ASAP2: variants seen among roughly 807,000 people sequenced by gnomAD.
The protein encoded by ASAP2 is ArfGAP with SH3 domain, ankyrin repeat and PH domain 2, also known as arf-GAP with SH3 domain, ANK repeat and PH domain-containing protein 2.
Under a neutral mutation model 131.4 loss-of-function variants are expected in ASAP2, and 45 were observed. That is an observed-to-expected ratio of 0.34 (90% CI 0.27 to 0.44). The LOEUF (loss-of-function observed/expected upper bound fraction) is 0.44, where lower values mean the gene tolerates loss of function less well. Ranked by LOEUF, ASAP2 falls within the 20% of genes least tolerant of loss-of-function variation. The pLI is 1.00. For synonymous variants in ASAP2, 510 were observed against 503.0 expected, an observed-to-expected ratio of 1.01 and a Z score of -0.19; for missense variants, 1,011 against 1,297.0, an observed-to-expected ratio of 0.78 and a Z score of 3.39.
chr2:9,403,335 C>T lies in ASAP2; in HGVS notation c.*8C>T, dbSNP rs771421051. 5.6e-6 allele frequency: 9 copies of T among 1,613,350 alleles called. No individual in the cohort carries two copies. Among genetic ancestry groups the T allele is most frequent in the Admixed American group, 1.7e-5 (1 of 59,980 alleles). On this transcript the variant is annotated 3_prime_UTR_variant, in exon 28 of 28. Transcript: ENST00000281419. ...CACTTTATCGCTGACTGAATTGCTA[C>T]TGAACAAAAGCATTAACAGTTATGT...
At chr2:9,291,700 T>A (rs1337886244) in intron 2 of ASAP2, among the ~76,000 whole-genome samples, 1 of 152,126 alleles carries the variant, frequency 6.6e-6, no homozygotes, top group Non-Finnish European at 1.5e-5. Flanking sequence ...CAAGTGCTTT[T>A]CCCTCTGCCT....
chr2:9,229,680 G>C (rs956387725), intron 1 of ASAP2, among the ~76,000 whole-genome samples: 1 of 152,230 alleles, frequency 6.6e-6, no homozygotes, highest in Admixed American at 6.5e-5. Flanking sequence ...TGGGCACACA[G>C]AGCACTGGAG....
intron 25 of ASAP2, among the ~76,000 whole-genome samples, chr2:9,400,346 C>G (rs1676553730): frequency 1.4e-5 from 1 of 72,968 alleles, no homozygotes; most frequent in Non-Finnish European, 2.7e-5. Flanking sequence ...CTCCCCCTCC[C>G]TCCCCCATCT....
At chr2:9,388,652 T>G (rs923533211) in intron 22 of ASAP2, 106 bp downstream of exon 22, 56 of 1,447,520 alleles carry the variant, frequency 3.9e-5, no homozygotes, top group Non-Finnish European at 4.5e-5. Flanking sequence ...TGGGCTCTTT[T>G]GTTTTGTAGT....
chr2:9,265,985 G>A (rs944081949), intron 1 of ASAP2, among the ~76,000 whole-genome samples: 1 of 151,782 alleles, frequency 6.6e-6, no homozygotes, highest in Non-Finnish European at 1.5e-5. Flanking sequence ...TGTTAGCCAG[G>A]CTGGTCTTGA....
intron 24 of ASAP2, among the ~76,000 whole-genome samples, chr2:9,396,237 G>A (rs1395410526): frequency 1.3e-5 from 2 of 152,116 alleles, no homozygotes; most frequent in African/African-American, 4.8e-5. Context: ...GAGCATTTCA[G>A]GGCCTTCCTC....
chr2:9,273,439 T>G (rs542554868), intron 1 of ASAP2, among the ~76,000 whole-genome samples: 1 of 152,362 alleles, frequency 6.6e-6, no homozygotes, highest in South Asian at 2.1e-4. Flanking sequence ...AACCACCCAA[T>G]GGGTTCACCT....
At chr2:9,247,458 C>T (rs769137651) in intron 1 of ASAP2, among the ~76,000 whole-genome samples, 10 of 152,188 alleles carry the variant, frequency 6.6e-5, no homozygotes, top group South Asian at 4.1e-4. Context: ...TTACCTCATG[C>T]GCTGCTTTCG....
At chr2:9,235,752 T>C (rs564989817) in intron 1 of ASAP2, among the ~76,000 whole-genome samples, 33 of 152,062 alleles carry the variant, frequency 2.2e-4, no homozygotes, top group African/African-American at 8.0e-4. Context: ...GATGGGAACA[T>C]GTAAGAAGTG....
chr2:9,246,084 T>C (rs1389848640), intron 1 of ASAP2, among the ~76,000 whole-genome samples: 1 of 152,154 alleles, frequency 6.6e-6, no homozygotes, highest in African/African-American at 2.4e-5. Flanking sequence ...GAGCCCTGGT[T>C]TGGGAGTGTT....
chr2:9,299,254 G>T, intron 3 of ASAP2, among the ~76,000 whole-genome samples: 1 of 152,112 alleles, frequency 6.6e-6, no homozygotes, highest in Non-Finnish European at 1.5e-5. Context: ...ACTTGCAAAA[G>T]ATCTTAAAAG....
intron 1 of ASAP2, among the ~76,000 whole-genome samples, chr2:9,215,949 A>G (rs1483973998): frequency 6.6e-6 from 1 of 152,134 alleles, no homozygotes; most frequent in Non-Finnish European, 1.5e-5. Context: ...AGGTCAGTTC[A>G]TATACTTGTG....
intron 2 of ASAP2, among the ~76,000 whole-genome samples, chr2:9,295,130 CTG>C (rs1247642783): frequency 2.0e-5 from 3 of 152,154 alleles, no homozygotes; most frequent in Non-Finnish European, 2.9e-5. Flanking sequence ...ATCTGTGAAA[CTG>C]GATTTTAAAA....
intron 11 of ASAP2, chr2:9,350,501 A>G (rs1672258382): frequency 7.8e-6 from 2 of 257,994 alleles, no homozygotes; most frequent in Admixed American, 5.2e-5. Flanking sequence ...TAGCCATGCA[A>G]TATCTTGATC....
intron 3 of ASAP2, among the ~76,000 whole-genome samples, chr2:9,303,443 G>A (rs918958340): frequency 6.6e-6 from 1 of 152,234 alleles, no homozygotes; most frequent in African/African-American, 2.4e-5. Context: ...GACTTGGCTT[G>A]TTAGACTTGG....
At chr2:9,376,267 A>G (rs1674388799) in intron 17 of ASAP2, among the ~76,000 whole-genome samples, 1 of 152,174 alleles carries the variant, frequency 6.6e-6, no homozygotes, top group South Asian at 2.1e-4. Context: ...CGGCCTGGGA[A>G]GCACCTTCCT....
Position 9,400,749 on chromosome 2 carries a change from C to T in ASAP2, c.2742C>T (p.Leu914=), listed in dbSNP as rs1676590868. The T allele has an allele frequency of 1.2e-6, 2 of 1,613,526 alleles. No homozygotes were observed. The highest frequency in any genetic ancestry group is 2.7e-5 in the African/African-American group (2 of 74,910). Reference sequence around the variant, plus strand: ...TTCATTTTTGCCCTACAGTGGATCTCTCTGCAACGGAAGCTCTGGGTCCTC... The same window carrying T: ...TTCATTTTTGCCCTACAGTGGATCTTTCTGCAACGGAAGCTCTGGGTCCTC... The part of the protein sequence containing the change: ...NKGQPRGPVD[L]SATEALGPLS... The change falls in exon 26 of 28, where the codon CTC becomes CTT. Residue 914 remains leucine, a synonymous_variant. Transcript: ENST00000281419.
chr2:9,328,197 G>A (rs963878660), intron 7 of ASAP2, among the ~76,000 whole-genome samples: 2 of 152,140 alleles, frequency 1.3e-5, no homozygotes, highest in African/African-American at 4.8e-5. Context: ...CTTGGAGGAA[G>A]AAGGAAATGG....
intron 1 of ASAP2, among the ~76,000 whole-genome samples, chr2:9,242,031 C>T (rs540858778): frequency 7.2e-5 from 11 of 152,172 alleles, no homozygotes; most frequent in Non-Finnish European, 1.0e-4. Context: ...TTAGCTTCTT[C>T]GAGCACTAGT....
Sources: allele counts gnomAD v4.1 joint callset (sites outside exome capture counted in the v4.1 genomes callset), GRCh38; gene constraint gnomAD v4.1.1; transcripts MANE v1.5; gene names NCBI Gene and HGNC (gene_info 2026-07-23, HGNC 2026-07-21).